HPSE2: variants seen among roughly 807,000 people sequenced by gnomAD.
The protein encoded by HPSE2 is heparanase 2 (inactive).
In HPSE2, 38 loss-of-function variants were observed where a neutral mutation model predicts 60.5. The observed-to-expected ratio is 0.63, with a 90% CI of 0.48 to 0.82. HPSE2 has a LOEUF of 0.82. Among genes scored for constraint, HPSE2 ranks in the 40% least tolerant of loss-of-function variants. HPSE2 has a pLI of 0.00. For synonymous variants in HPSE2, 295 were observed against 293.2 expected, an observed-to-expected ratio of 1.01 and a Z score of -0.06; for missense variants, 713 against 740.4, an observed-to-expected ratio of 0.96 and a Z score of 0.43.
intron 4 of HPSE2, among the ~76,000 whole-genome samples, chr10:98,725,539 G>C: frequency 6.6e-6 from 1 of 152,122 alleles, no homozygotes; most frequent in East Asian, 1.9e-4. Flanking sequence ...AAAAACCCTA[G>C]AAGAAAACCT....
intron 9 of HPSE2, 40 bp from the exon 10 acceptor site, chr10:98,490,236 C>T: frequency 3.1e-6 from 5 of 1,602,632 alleles, no homozygotes; most frequent in Non-Finnish European, 4.3e-6. Context: ...CGAGAGAACA[C>T]ATGCTCAGGT....
chr10:99,232,739 C>T (rs1849701624), intron 1 of HPSE2, among the ~76,000 whole-genome samples: 1 of 152,224 alleles, frequency 6.6e-6, no homozygotes, highest in Non-Finnish European at 1.5e-5. Context: ...CCCGCAGCGG[C>T]CCCCTCCCGC....
chr10:99,076,292 T>C (rs911258117), intron 3 of HPSE2, among the ~76,000 whole-genome samples: 2 of 152,218 alleles, frequency 1.3e-5, no homozygotes, highest in East Asian at 3.8e-4. Flanking sequence ...GCTGATAATG[T>C]AACTTTGATT....
At chr10:99,188,187 C>T (rs1315949174) in intron 2 of HPSE2, among the ~76,000 whole-genome samples, 1 of 152,092 alleles carries the variant, frequency 6.6e-6, no homozygotes, top group African/African-American at 2.4e-5. Flanking sequence ...ACAAACTATG[C>T]AACAACATTG....
Position 98,921,912 on chromosome 10 carries a change from G to A in HPSE2, c.611-177856C>T, listed in dbSNP as rs1405594449. Among the ~76,000 whole-genome samples, 5 of 152,158 alleles carry A rather than the reference G, an allele frequency of 3.3e-5. No homozygotes were observed. In the East Asian group the frequency reaches 7.7e-4, roughly 23 times the overall value. On this transcript the variant is annotated intron_variant, in intron 3 of 11. Coordinates refer to ENST00000370552, the MANE Select transcript of HPSE2 (RefSeq NM_021828.5). ...GGTGCCAATTCATGGGGAGAGACTG[G>A]TGTGCTGCATGCAAGTGATTAGCTG...
intron 2 of HPSE2, among the ~76,000 whole-genome samples, chr10:99,200,953 T>C (rs2796764): frequency 0.32 from 48,649 of 152,062 alleles, 10,823 homozygotes; most frequent in African/African-American, 0.64. Context: ...AACTATCAAA[T>C]TGTCTGCCTG....
intron 3 of HPSE2, among the ~76,000 whole-genome samples, chr10:98,774,617 G>A (rs912936981): frequency 1.8e-4 from 27 of 152,136 alleles, no homozygotes; most frequent in Non-Finnish European, 3.4e-4. Flanking sequence ...GATCTGGTGG[G>A]TGAGGCATGG....
At chr10:98,840,102 CTTGTT>C (rs1461046200) in intron 3 of HPSE2, among the ~76,000 whole-genome samples, 1 of 152,014 alleles carries the variant, frequency 6.6e-6, no homozygotes, top group Non-Finnish European at 1.5e-5. Context: ...CTCAAGTTGT[CTTGTT>C]TTATGTCCAT....
At chr10:99,206,302 A>G (rs1041485122) in intron 2 of HPSE2, among the ~76,000 whole-genome samples, 1 of 152,186 alleles carries the variant, frequency 6.6e-6, no homozygotes, top group African/African-American at 2.4e-5. Flanking sequence ...TGTTTTTCAG[A>G]AATAAAGTTA....
rs559799413 is a variant in HPSE2, at chr10:98,770,084, A to G, written c.611-26028T>C. Among the ~76,000 whole-genome samples, 3 of 152,312 alleles carry G rather than the reference A, an allele frequency of 2.0e-5. No homozygotes were observed. In the East Asian group the frequency reaches 5.8e-4, roughly 29 times the overall value. ...GTGACATATCTCAAAGTTCCCAGAA[A>G]TAGTCCAAGTGGCCTTGCATGGCTA... On this transcript the variant is annotated intron_variant, in intron 3 of 11. Transcript: ENST00000370552.
intron 9 of HPSE2, among the ~76,000 whole-genome samples, chr10:98,527,842 C>A (rs1017082160): frequency 3.3e-5 from 5 of 152,092 alleles, no homozygotes; most frequent in Non-Finnish European, 7.4e-5. Flanking sequence ...CACTGCTGTG[C>A]CCAGCATGTT....
intron 7 of HPSE2, among the ~76,000 whole-genome samples, chr10:98,621,209 T>C (rs1946065264): frequency 1.3e-5 from 2 of 152,072 alleles, no homozygotes; most frequent in Non-Finnish European, 2.9e-5. Flanking sequence ...CCAGGTATAT[T>C]GTAATCACAC....
At chr10:98,814,189 TGA>T (rs1485886340) in intron 3 of HPSE2, among the ~76,000 whole-genome samples, 6 of 152,148 alleles carry the variant, frequency 3.9e-5, no homozygotes, top group African/African-American at 1.4e-4. Flanking sequence ...AATTTGATAC[TGA>T]GTTTTTTAAT....
Position 98,722,814 on chromosome 10 carries a change from G to T in HPSE2, c.785-986C>A, listed in dbSNP as rs996800381. Among the ~76,000 whole-genome samples, 7 of 152,018 alleles carry T rather than the reference G, an allele frequency of 4.6e-5. No individual in the cohort carries two copies. In the South Asian group the frequency reaches 1.5e-3, roughly 32 times the overall value. Reference sequence around the variant, plus strand: ...TGGCTTGAGACTATGATACTGGCAGGTACAAGAAATAAACCTGTAGACTTG... The same window carrying T: ...TGGCTTGAGACTATGATACTGGCAGTTACAAGAAATAAACCTGTAGACTTG... On this transcript the variant is annotated intron_variant, in intron 4 of 11. Transcript: ENST00000370552.
At chr10:98,683,545 T>A (rs1947837995) in intron 6 of HPSE2, among the ~76,000 whole-genome samples, 1 of 151,880 alleles carries the variant, frequency 6.6e-6, no homozygotes, top group Non-Finnish European at 1.5e-5. Flanking sequence ...AGGGACATTT[T>A]GAGGAATAAA....
At chr10:98,767,682 T>C (rs1223498410) in intron 3 of HPSE2, among the ~76,000 whole-genome samples, 1 of 145,822 alleles carries the variant, frequency 6.9e-6, no homozygotes, top group African/African-American at 2.5e-5. Flanking sequence ...CTATAAATTA[T>C]ATCAATATTT....
intron 7 of HPSE2, among the ~76,000 whole-genome samples, chr10:98,632,817 G>T (rs1191474647): frequency 6.6e-6 from 1 of 152,084 alleles, no homozygotes; most frequent in Non-Finnish European, 1.5e-5. Context: ...TAAATGTCAG[G>T]CCCCATAAAA....
chr10:98,690,960 C>T (rs1284405323), intron 6 of HPSE2, among the ~76,000 whole-genome samples: 3 of 152,192 alleles, frequency 2.0e-5, no homozygotes, highest in Non-Finnish European at 4.4e-5. Context: ...CCAAGCTCAA[C>T]ATCCCAATAC....
At chr10:98,955,090 AAT>A (rs1564688369) in intron 3 of HPSE2, among the ~76,000 whole-genome samples, 1 of 151,678 alleles carries the variant, frequency 6.6e-6, no homozygotes, top group Admixed American at 6.6e-5. Flanking sequence ...CATGGAACAG[AAT>A]CATAGAGACA....
Sources: allele counts gnomAD v4.1 joint callset (sites outside exome capture counted in the v4.1 genomes callset), GRCh38; gene constraint gnomAD v4.1.1; transcripts MANE v1.5; gene names NCBI Gene and HGNC (gene_info 2026-07-23, HGNC 2026-07-21).